Variants in IPO11 observed in about 807,000 individuals in gnomAD.
IPO11 encodes the protein importin 11, also known as importin-11.
A neutral mutation model predicts 143.2 loss-of-function variants in IPO11; 66 were observed. The ratio of observed to expected loss-of-function variants is 0.46; its 90% CI spans 0.38 to 0.57. The LOEUF (loss-of-function observed/expected upper bound fraction) is 0.57. Among genes scored for constraint, IPO11 ranks in the 20% least tolerant of loss-of-function variants. IPO11 has a pLI of 0.00. For synonymous variants in IPO11, 385 were observed against 377.8 expected, an observed-to-expected ratio of 1.02 and a Z score of -0.22; for missense variants, 1,026 against 1,141.0, an observed-to-expected ratio of 0.90 and a Z score of 1.45.
At chr5:62,439,184 T>C (rs2112135159) in intron 2 of IPO11, among the ~76,000 whole-genome samples, 1 of 152,236 alleles carries the variant, frequency 6.6e-6, no homozygotes, top group African/African-American at 2.4e-5. Flanking sequence ...GAATTTCTTA[T>C]TTTAATTACT....
intron 26 of IPO11, among the ~76,000 whole-genome samples, chr5:62,557,416 C>G (rs1311437720): frequency 6.6e-6 from 1 of 152,186 alleles, no homozygotes; most frequent in Non-Finnish European, 1.5e-5. Context: ...CTCCCGACTT[C>G]AGGTGATCCA....
intron 2 of IPO11, among the ~76,000 whole-genome samples, chr5:62,442,154 T>A (rs1257223522): frequency 6.6e-6 from 1 of 152,148 alleles, no homozygotes; most frequent in Admixed American, 6.5e-5. Context: ...TTATCAAACT[T>A]ATTTACAAGG....
intron 12 of IPO11, 40 bp from the exon 13 acceptor site, chr5:62,487,731 C>A: frequency 6.6e-7 from 1 of 1,509,412 alleles, no homozygotes; most frequent in Non-Finnish European, 8.9e-7. Flanking sequence ...ATATAGTATG[C>A]AACTGTTTTG....
chr5:62,476,361 T>G (rs1214149197), intron 8 of IPO11, among the ~76,000 whole-genome samples: 1 of 152,194 alleles, frequency 6.6e-6, no homozygotes, highest in African/African-American at 2.4e-5. Context: ...ACTACTTTAT[T>G]TTACACATGT....
intron 10 of IPO11, 114 bp downstream of exon 10, chr5:62,483,407 C>A: frequency 1.5e-6 from 1 of 658,886 alleles, no homozygotes; most frequent in Non-Finnish European, 2.5e-6. Flanking sequence ...TAAATTGTTG[C>A]TGGGACATGA....
In IPO11 at chr5:62,506,377, TGAAAA is replaced by T. The variant is rs1346293876; in HGVS notation, c.1782+21_1782+25del. ...ATGCAGGTAATTATATTGTAAAACA[TGAAAA>T]TAAATGAGGGGTGGGTAGAATAGAC... On this transcript the variant is annotated intron_variant, in intron 19 of 29. Coordinates refer to ENST00000325324, the MANE Select transcript of IPO11 (RefSeq NM_016338.5). 6.7e-6 allele frequency: 9 copies of T among 1,344,850 alleles called. No homozygotes were observed. Among genetic ancestry groups the T allele is most frequent in the Non-Finnish European group, 9.6e-6 (9 of 940,280 alleles). The allele number at this position is 1,344,850 out of a possible 1,614,324, so 83.3% of individuals were successfully genotyped here.
chr5:62,513,334 A>G (rs7737354), intron 19 of IPO11, among the ~76,000 whole-genome samples: 1,401 of 58,232 alleles, frequency 0.024, 1 homozygote, highest in East Asian at 0.079. Flanking sequence ...CCTCCCTCCC[A>G]GACGGGGCGG....
chr5:62,539,015 G>C (rs1032221463), intron 24 of IPO11, among the ~76,000 whole-genome samples: 1 of 152,122 alleles, frequency 6.6e-6, no homozygotes, highest in Non-Finnish European at 1.5e-5. Context: ...AATTGGAAGG[G>C]TCATCTGCCA....
intron 5 of IPO11, among the ~76,000 whole-genome samples, chr5:62,455,608 C>T (rs924324440): frequency 4.6e-5 from 7 of 152,120 alleles, no homozygotes; most frequent in African/African-American, 1.2e-4. Flanking sequence ...TTGCTACCTG[C>T]GGCTCAGTGT....
At chr5:62,532,797 T>C (rs1742602819) in intron 22 of IPO11, among the ~76,000 whole-genome samples, 1 of 152,232 alleles carries the variant, frequency 6.6e-6, no homozygotes, top group South Asian at 2.1e-4. Context: ...TTTAGTACTA[T>C]TACTGTCACT....
intron 27 of IPO11, among the ~76,000 whole-genome samples, chr5:62,590,543 C>A (rs978970898): frequency 1.3e-5 from 2 of 152,144 alleles, no homozygotes; most frequent in African/African-American, 4.8e-5. Flanking sequence ...CTGGTTGGAT[C>A]TGAGAAAATT....
chr5:62,552,198 G>A (rs1743411756), intron 26 of IPO11, among the ~76,000 whole-genome samples: 2 of 152,054 alleles, frequency 1.3e-5, no homozygotes, highest in Admixed American at 6.6e-5. Flanking sequence ...AATCTGTTAA[G>A]ATTTATAAGA....
chr5:62,416,715 C>CTTTTTTTTTTTTTTTTTTTTTTTTTT (rs11295932), intron 1 of IPO11, among the ~76,000 whole-genome samples: 1 of 144,138 alleles, frequency 6.9e-6, no homozygotes. Context: ...CTCTTATTAT[C>CTTTTTTTTTTTTTTTTTTTTTTTTTT]TTTTTTTTTT....
intron 27 of IPO11, chr5:62,579,819 AT>A: frequency 6.5e-7 from 1 of 1,546,976 alleles, no homozygotes. Context: ...ATCCTGGAAT[AT>A]TTAAGGGACT....
chr5:62,433,146 G>GTTTTTTTTT (rs367585219), intron 1 of IPO11, among the ~76,000 whole-genome samples: 1 of 135,470 alleles, frequency 7.4e-6, no homozygotes. Context: ...GCACCTTTTT[G>GTTTTTTTTT]TTTTTTGTTT....
chr5:62,418,913 T>C, intron 1 of IPO11: 1 of 1,388,504 alleles, frequency 7.2e-7, no homozygotes, highest in East Asian at 2.5e-5. Flanking sequence ...TGCTGGGTCA[T>C]AGAAGATACA....
chr5:62,594,047 A>T (rs935415284), intron 28 of IPO11, among the ~76,000 whole-genome samples: 1 of 152,214 alleles, frequency 6.6e-6, no homozygotes, highest in Non-Finnish European at 1.5e-5. Flanking sequence ...CAAAAAAGTT[A>T]ATCTTTCTGG....
At chr5:62,448,495 A>G (rs906051292) in intron 3 of IPO11, among the ~76,000 whole-genome samples, 1 of 152,218 alleles carries the variant, frequency 6.6e-6, no homozygotes, top group African/African-American at 2.4e-5. Context: ...TTAAGTGATT[A>G]TAACATGGAC....
intron 5 of IPO11, among the ~76,000 whole-genome samples, chr5:62,465,206 C>T (rs1440131399): frequency 1.3e-5 from 2 of 152,156 alleles, no homozygotes; most frequent in South Asian, 2.1e-4. Context: ...CGTATTCTTT[C>T]ACTTTCTTCT....
Sources: gnomAD v4.1 joint callset for allele counts (sites outside exome capture counted in the v4.1 genomes callset) on GRCh38, gnomAD v4.1.1 for gene constraint, MANE v1.5 for transcripts, NCBI Gene and HGNC (gene_info 2026-07-23, HGNC 2026-07-21) for gene names.